SCP2: variants seen among roughly 807,000 people sequenced by gnomAD.
The protein encoded by SCP2 is sterol carrier protein 2, also known as SCP-2/3-oxoacyl-CoA thiolase.
SCP2 carries 48 observed loss-of-function variants against 71.4 expected under a neutral mutation model. The observed-to-expected ratio is 0.67, with a 90% CI of 0.53 to 0.86. The LOEUF (loss-of-function observed/expected upper bound fraction) is 0.86. Ranked by LOEUF, SCP2 falls within the 40% of genes least tolerant of loss-of-function variation. The pLI, the probability that SCP2 is intolerant of heterozygous loss-of-function variation, is 0.00. For synonymous variants in SCP2, 220 were observed against 218.1 expected, an observed-to-expected ratio of 1.01 and a Z score of -0.08; for missense variants, 560 against 655.6, an observed-to-expected ratio of 0.85 and a Z score of 1.59.
intron 5 of SCP2, among the ~76,000 whole-genome samples, chr1:52,957,187 C>G (rs1042752288): frequency 6.6e-6 from 1 of 152,106 alleles, no homozygotes; most frequent in Non-Finnish European, 1.5e-5. Flanking sequence ...GGATTACAGG[C>G]GTGAGCCACT....
intron 10 of SCP2, among the ~76,000 whole-genome samples, chr1:52,986,184 T>C (rs2150183247): frequency 6.6e-6 from 1 of 152,334 alleles, no homozygotes; most frequent in South Asian, 2.1e-4. Context: ...TTTACAGTAC[T>C]TTAATCTCTG....
intron 2 of SCP2, among the ~76,000 whole-genome samples, chr1:52,947,118 A>G (rs956595115): frequency 1.3e-5 from 2 of 149,972 alleles, no homozygotes; most frequent in African/African-American, 2.5e-5. Flanking sequence ...GTGGTGACTC[A>G]TGTCTCTTAT....
Position 52,962,674 on chromosome 1 carries a change from A to G in SCP2, c.523+1045A>G, listed in dbSNP as rs1221819716. 2.6e-5 allele frequency among the ~76,000 whole-genome samples: 4 copies of G among 151,934 alleles called. No individual in the cohort carries two copies. In the East Asian group the frequency reaches 5.8e-4, roughly 22 times the overall value. ...TTCTTTCTGTTCCTCAAACACACCAAGCTTTTCTTCAGGTAGGGCCTTAGC... is the reference window on the plus strand; with the variant it reads ...TTCTTTCTGTTCCTCAAACACACCAGGCTTTTCTTCAGGTAGGGCCTTAGC... On this transcript the variant is annotated intron_variant, in intron 6 of 15. Coordinates refer to ENST00000371514, the MANE Select transcript of SCP2 (RefSeq NM_002979.5).
intron 11 of SCP2, chr1:52,996,079 C>T (rs567116634): frequency 4.5e-6 from 4 of 880,244 alleles, no homozygotes; most frequent in African/African-American, 3.5e-5. Context: ...ATCTTACTCA[C>T]CTGCCCCTTT....
At position 53,047,886 on chromosome 1, in the gene SCP2, G is replaced by A; in HGVS notation, c.1497G>A (p.Met499Ile). The change falls in exon 15 of 16, where the codon ATG becomes ATA. Residue 499 changes from methionine to isoleucine, a missense_variant. By Grantham distance (10) the Met-to-Ile change is conservative. Coordinates refer to ENST00000371514, the MANE Select transcript of SCP2 (RefSeq NM_002979.5). The stretch of plus-strand genomic sequence containing the variant: ...AGAAGGCTGACTGCACAATCACAAT[G>A]GCTGACTCAGACTTCCTGGCTTTAA... ...SDKKADCTIT[M>I]ADSDFLALMT... is the part of the protein sequence containing the mutation. 6.2e-7 allele frequency: 1 copy of A among 1,613,460 alleles called. No homozygotes were observed. The highest frequency in any genetic ancestry group is 1.1e-5 in the South Asian group (1 of 91,064).
Position 52,993,293 on chromosome 1 carries a change from C to T in SCP2, c.1081+5157C>T, listed in dbSNP as rs755949566. The T allele has an allele frequency of 6.6e-5, 106 of 1,613,982 alleles. 1 individual carries two copies. Among genetic ancestry groups the T allele is most frequent in the South Asian group, 5.6e-4 (51 of 91,066 alleles). ...CTGCTCTTGAAATTTCCTGATAACC[C>T]GGACAAGTTCATGGAAAGCTTGATC... On this transcript the variant is annotated intron_variant, in intron 11 of 15. Transcript: ENST00000371514.
At chr1:52,935,483 G>T (rs911532440) in intron 1 of SCP2, among the ~76,000 whole-genome samples, 1 of 150,072 alleles carries the variant, frequency 6.7e-6, no homozygotes, top group Non-Finnish European at 1.5e-5. Flanking sequence ...CCAGCTACTC[G>T]AGAGGCTGAG....
chr1:52,979,710 T>C (rs1357163488), intron 9 of SCP2, among the ~76,000 whole-genome samples: 1 of 152,192 alleles, frequency 6.6e-6, no homozygotes, highest in African/African-American at 2.4e-5. Flanking sequence ...CATTGTAGTT[T>C]GACAGAAGTT....
intron 1 of SCP2, among the ~76,000 whole-genome samples, chr1:52,941,175 C>T (rs1455318843): frequency 6.6e-6 from 1 of 152,162 alleles, no homozygotes; most frequent in African/African-American, 2.4e-5. Context: ...CCTTCTCTTT[C>T]ACTTTGCTAA....
chr1:52,983,822 G>C (rs1039999201), intron 10 of SCP2, among the ~76,000 whole-genome samples: 6 of 152,176 alleles, frequency 3.9e-5, no homozygotes, highest in Non-Finnish European at 4.4e-5. Flanking sequence ...CTTTTACCTT[G>C]AGAGTATTGG....
intron 6 of SCP2, among the ~76,000 whole-genome samples, chr1:52,963,133 TTCAAA>T (rs1413210101): frequency 6.6e-6 from 1 of 152,238 alleles, no homozygotes; most frequent in African/African-American, 2.4e-5. Flanking sequence ...TCCATGACTA[TTCAAA>T]TCAAAGTAGT....
At chr1:52,969,159 T>C (rs925116195) in intron 6 of SCP2, among the ~76,000 whole-genome samples, 1 of 151,356 alleles carries the variant, frequency 6.6e-6, no homozygotes, top group Non-Finnish European at 1.5e-5. Context: ...TTGATGTAAC[T>C]GTCATTGAAA....
chr1:52,999,226 T>G (rs924246793), intron 11 of SCP2, among the ~76,000 whole-genome samples: 2 of 152,226 alleles, frequency 1.3e-5, no homozygotes, highest in Admixed American at 1.3e-4. Flanking sequence ...ACATGGCCAT[T>G]AGCTGTAATG....
At chr1:53,015,383 A>AT (rs1252474958) in intron 12 of SCP2, among the ~76,000 whole-genome samples, 1 of 152,158 alleles carries the variant, frequency 6.6e-6, no homozygotes, top group African/African-American at 2.4e-5. Context: ...GGAGTCACTA[A>AT]ATGTGCTGAT....
chr1:53,015,131 T>C lies in SCP2; in HGVS notation c.1235+88T>C. ...TTTTACATGTAAAAATTTCTTATTT[T>C]ATTGTCTTAGTATTTAAGGAAAAGT... is the stretch of plus-strand genomic sequence containing the variant. On this transcript the variant is annotated intron_variant, in intron 12 of 15. Transcript: ENST00000371514. The C allele has an allele frequency of 2.3e-6, 3 of 1,292,190 alleles. No individual in the cohort carries two copies. In the South Asian group the frequency reaches 3.6e-5, roughly 16 times the overall value. The allele number at this position is 1,292,190 out of a possible 1,614,324, so 80.0% of individuals were successfully genotyped here. A position where few individuals can be genotyped will look rare whatever the true frequency, so the allele number is the denominator to read the frequency against.
At chr1:52,945,551 A>T (rs534924817) in intron 2 of SCP2, among the ~76,000 whole-genome samples, 2 of 152,192 alleles carry the variant, frequency 1.3e-5, no homozygotes, top group Non-Finnish European at 2.9e-5. Flanking sequence ...AAAAATACAA[A>T]AAGTTAGCCA....
rs564131879 is a variant in SCP2 at position 53,012,290 on chromosome 1, C to G, written c.1082-2600C>G. 3.3e-5 allele frequency among the ~76,000 whole-genome samples: 5 copies of G among 152,340 alleles called. 1 individual carries two copies. The highest frequency in any genetic ancestry group is 1.2e-4 in the African/African-American group (5 of 41,582). On this transcript the variant is annotated intron_variant, in intron 11 of 15. Coordinates refer to ENST00000371514, the MANE Select transcript of SCP2 (RefSeq NM_002979.5). ...GCCTGGCTGGGTTTCCCCACTCAGT[C>G]TATTAGCATTAGATCATATGCTTTT...
At chr1:53,047,654 A>G (rs1333142528) in intron 14 of SCP2, among the ~76,000 whole-genome samples, 3 of 152,172 alleles carry the variant, frequency 2.0e-5, no homozygotes, top group Admixed American at 6.5e-5. Flanking sequence ...TATTTAATCA[A>G]TTCCGTCTTG....
chr1:52,944,818 T>G (rs1360909558), intron 2 of SCP2, among the ~76,000 whole-genome samples: 2 of 151,950 alleles, frequency 1.3e-5, no homozygotes, highest in East Asian at 3.9e-4. Context: ...AGCTAACTTT[T>G]GTATTTTTAG....
Sources: gnomAD v4.1 joint callset for allele counts (sites outside exome capture counted in the v4.1 genomes callset) on GRCh38, gnomAD v4.1.1 for gene constraint, MANE v1.5 for transcripts, NCBI Gene and HGNC (gene_info 2026-07-23, HGNC 2026-07-21) for gene names.